NKAIN3: variants seen among roughly 807,000 people sequenced by gnomAD.
NKAIN3 encodes sodium/potassium-transporting ATPase subunit beta-1-interacting protein 3.
NKAIN3 carries 25 observed loss-of-function variants against 30.2 expected under a neutral mutation model. The observed-to-expected ratio is 0.83, with a 90% CI of 0.60 to 1.16. NKAIN3 has a LOEUF of 1.16. Ranked by LOEUF, NKAIN3 falls within the 50% of genes most tolerant of loss-of-function variation. NKAIN3 has a pLI of 0.00. For synonymous variants in NKAIN3, 91 were observed against 89.6 expected, an observed-to-expected ratio of 1.02 and a Z score of -0.09; for missense variants, 225 against 254.1, an observed-to-expected ratio of 0.89 and a Z score of 0.78.
chr8:62,516,450 G>C (rs188953536), intron 1 of NKAIN3, among the ~76,000 whole-genome samples: 1 of 151,976 alleles, frequency 6.6e-6, no homozygotes, highest in African/African-American at 2.4e-5. Context: ...TTCATATATG[G>C]TAAAGCAAAA....
At chr8:62,564,556 T>G (rs1809687541) in intron 1 of NKAIN3, among the ~76,000 whole-genome samples, 1 of 152,158 alleles carries the variant, frequency 6.6e-6, no homozygotes, top group Non-Finnish European at 1.5e-5. Flanking sequence ...TGAGGCACAT[T>G]CCACCATATG....
intron 1 of NKAIN3, among the ~76,000 whole-genome samples, chr8:62,331,178 A>G (rs1002165111): frequency 7.7e-6 from 1 of 130,086 alleles, no homozygotes; most frequent in African/African-American, 2.9e-5. Context: ...GCCCTATTGT[A>G]TAGCCATATT....
At chr8:62,656,209 G>A (rs1182494274) in intron 3 of NKAIN3, among the ~76,000 whole-genome samples, 4 of 152,114 alleles carry the variant, frequency 2.6e-5, no homozygotes, top group Admixed American at 6.6e-5. Flanking sequence ...CACACTCCCT[G>A]TTTTCCCATT....
At chr8:62,896,470 T>A (rs1821431867) in intron 4 of NKAIN3, among the ~76,000 whole-genome samples, 1 of 152,024 alleles carries the variant, frequency 6.6e-6, no homozygotes, top group Non-Finnish European at 1.5e-5. Context: ...TCTTTTAGAG[T>A]CAGTCCTGCC....
intron 3 of NKAIN3, among the ~76,000 whole-genome samples, chr8:62,726,807 C>T (rs1345665739): frequency 1.3e-5 from 2 of 152,016 alleles, no homozygotes; most frequent in Non-Finnish European, 2.9e-5. Flanking sequence ...TCTATGACCT[C>T]TTTTAGAAGA....
intron 4 of NKAIN3, among the ~76,000 whole-genome samples, chr8:62,915,161 G>C (rs1430222933): frequency 1.3e-5 from 2 of 152,210 alleles, no homozygotes; most frequent in Non-Finnish European, 2.9e-5. Context: ...TGAGTTCACA[G>C]ATGTGATAGG....
intron 1 of NKAIN3, among the ~76,000 whole-genome samples, chr8:62,303,318 A>G (rs978842911): frequency 6.6e-6 from 1 of 150,428 alleles, no homozygotes; most frequent in Non-Finnish European, 1.5e-5. Context: ...GCTCTTGAAA[A>G]ACAGCCAATG....
At position 62,498,431 on chromosome 8, in the gene NKAIN3, C is replaced by T. The variant is rs141563367; in HGVS notation, c.55-81108C>T. Reference sequence around the variant, plus strand: ...GCTCCACCCTCTCTGACACATTCAGCACCATATTGCTTCACCTTAGTTGTA... The same window carrying T: ...GCTCCACCCTCTCTGACACATTCAGTACCATATTGCTTCACCTTAGTTGTA... On this transcript the variant is annotated intron_variant, in intron 1 of 6. Transcript: ENST00000623646. 4.3e-3 allele frequency among the ~76,000 whole-genome samples: 656 copies of T among 152,182 alleles called. 5 individuals are homozygous for T. The highest frequency in any genetic ancestry group is 0.013 in the African/African-American group (524 of 41,532).
chr8:62,423,126 G>A (rs60536390), intron 1 of NKAIN3, among the ~76,000 whole-genome samples: 21,232 of 151,876 alleles, frequency 0.14, 1,767 homozygotes, highest in East Asian at 0.41. Flanking sequence ...AATCACTTTT[G>A]TTTATATCCA....
At chr8:62,947,188 T>C (rs1280015141) in intron 5 of NKAIN3, among the ~76,000 whole-genome samples, 1 of 152,216 alleles carries the variant, frequency 6.6e-6, no homozygotes, top group Non-Finnish European at 1.5e-5. Flanking sequence ...AAAAGAGGTC[T>C]GTGATCCTAA....
chr8:62,929,336 T>C (rs1822546371), intron 5 of NKAIN3, among the ~76,000 whole-genome samples: 1 of 152,248 alleles, frequency 6.6e-6, no homozygotes, highest in South Asian at 2.1e-4. Context: ...TACTGTGTTT[T>C]CGTATGCTGT....
intron 1 of NKAIN3, among the ~76,000 whole-genome samples, chr8:62,555,011 TACACACAC>T (rs59610407): frequency 0.29 from 42,307 of 144,798 alleles, 7,197 homozygotes; most frequent in Non-Finnish European, 0.39. Flanking sequence ...GCAGAATCTA[TACACACAC>T]ACACACACAC....
At chr8:62,888,523 G>A (rs1413615500) in intron 4 of NKAIN3, among the ~76,000 whole-genome samples, 2 of 152,130 alleles carry the variant, frequency 1.3e-5, no homozygotes, top group Non-Finnish European at 1.5e-5. Context: ...CTGTACCTAC[G>A]TGCATATCTC....
Position 62,395,800 on chromosome 8 carries a change from G to C in NKAIN3, c.54+146673G>C, listed in dbSNP as rs189911829. Among the ~76,000 whole-genome samples, 87 of 152,234 alleles carry C rather than the reference G, an allele frequency of 5.7e-4. No individual in the cohort carries two copies. The Middle Eastern group carries it at 0.017, about 30-fold the overall frequency. On this transcript the variant is annotated intron_variant, in intron 1 of 6. Transcript: ENST00000623646. ...AGATCTCAATTAGATATACATATTA[G>C]AAGATAGAAATACTTGAGCAATTGA...
chr8:62,772,249 T>C (rs1817038697), intron 4 of NKAIN3, among the ~76,000 whole-genome samples: 2 of 152,242 alleles, frequency 1.3e-5, no homozygotes, highest in Admixed American at 1.3e-4. Context: ...ATCTCACTTT[T>C]TATAGCTGAA....
chr8:62,582,500 C>A (rs374142967), intron 2 of NKAIN3, among the ~76,000 whole-genome samples: 1 of 152,084 alleles, frequency 6.6e-6, no homozygotes, highest in Admixed American at 6.6e-5. Flanking sequence ...GGGTTAGGCA[C>A]CCTGCAGGGA....
intron 1 of NKAIN3, among the ~76,000 whole-genome samples, chr8:62,569,060 G>C (rs1809842699): frequency 6.6e-6 from 1 of 152,146 alleles, no homozygotes; most frequent in Non-Finnish European, 1.5e-5. Context: ...GACTACAACT[G>C]TCTGTTGGTC....
intron 1 of NKAIN3, among the ~76,000 whole-genome samples, chr8:62,297,176 A>G (rs1215563103): frequency 6.6e-6 from 1 of 152,190 alleles, no homozygotes; most frequent in Non-Finnish European, 1.5e-5. Flanking sequence ...TTAATTCAAG[A>G]TGGATTAAAG....
At chr8:62,470,745 A>T (rs186582958) in intron 1 of NKAIN3, among the ~76,000 whole-genome samples, 1 of 152,264 alleles carries the variant, frequency 6.6e-6, no homozygotes, top group East Asian at 1.9e-4. Flanking sequence ...CAAGGGAACA[A>T]TATTAAATAG....
Sources: gnomAD v4.1 joint callset for allele counts (sites outside exome capture counted in the v4.1 genomes callset) on GRCh38, gnomAD v4.1.1 for gene constraint, MANE v1.5 for transcripts, NCBI Gene and HGNC (gene_info 2026-07-23, HGNC 2026-07-21) for gene names.